MYOM1: variants seen among roughly 807,000 people sequenced by gnomAD.
The protein encoded by MYOM1 is myomesin 1.
In MYOM1, 164 loss-of-function variants were observed where a neutral mutation model predicts 205.3. That is an observed-to-expected ratio of 0.80 (90% CI 0.70 to 0.91). The LOEUF is 0.91. Ranked by LOEUF, MYOM1 falls within the 40% of genes least tolerant of loss-of-function variation. The pLI is 0.00. For synonymous variants in MYOM1, 772 were observed against 789.4 expected, an observed-to-expected ratio of 0.98 and a Z score of 0.37; for missense variants, 2,011 against 2,127.3, an observed-to-expected ratio of 0.95 and a Z score of 1.08.
chr18:3,075,855 G>C (rs781528838), intron 34 of MYOM1, 94 bp from the exon 35 acceptor site: 1 of 1,151,868 alleles, frequency 8.7e-7, no homozygotes, highest in African/African-American at 1.5e-5. Context: ...TGCTGTGATC[G>C]GTCCAGACAT....
intron 2 of MYOM1, among the ~76,000 whole-genome samples, chr18:3,198,037 G>A (rs1335593278): frequency 1.1e-4 from 16 of 151,716 alleles, no homozygotes; most frequent in Admixed American, 1.0e-3. Flanking sequence ...CTAAATTGAA[G>A]TTATGAAATC....
intron 2 of MYOM1, among the ~76,000 whole-genome samples, chr18:3,201,141 G>T (rs757058206): frequency 1.8e-4 from 27 of 152,188 alleles, no homozygotes; most frequent in Non-Finnish European, 3.2e-4. Context: ...GCTCATGCCT[G>T]TAATCCTAGC....
rs10708387 is a variant in MYOM1 at position 3,192,884 on chromosome 18, A to AT, written c.431+933dup. Among the ~76,000 whole-genome samples, 305 of 152,036 alleles carry AT rather than the reference A, an allele frequency of 2.0e-3. 2 individuals are homozygous for AT. The highest frequency in any genetic ancestry group is 6.8e-3 in the African/African-American group (284 of 41,460). On this transcript the variant is annotated intron_variant, in intron 3 of 37. Coordinates refer to ENST00000356443, the MANE Select transcript of MYOM1 (RefSeq NM_003803.4). ...AACAAGGCATTCAAATTATGATGAG[A>AT]TTTTTTCCCCCAATGAATAATAATT...
At chr18:3,116,689 G>C (rs2079611795) in intron 20 of MYOM1, among the ~76,000 whole-genome samples, 174 bp from the exon 21 acceptor site, 1 of 152,086 alleles carries the variant, frequency 6.6e-6, no homozygotes, top group African/African-American at 2.4e-5. Context: ...TTTTCGTACT[G>C]CTCTACATTA....
At chr18:3,132,602 C>T (rs552094620) in intron 16 of MYOM1, among the ~76,000 whole-genome samples, 1 of 152,196 alleles carries the variant, frequency 6.6e-6, no homozygotes, top group Admixed American at 6.5e-5. Flanking sequence ...TGATCAATGA[C>T]TATTTTAGGT....
chr18:3,126,673 G>A (rs759071991), intron 19 of MYOM1, 28 bp downstream of exon 19: 34 of 1,592,428 alleles, frequency 2.1e-5, no homozygotes, highest in Non-Finnish European at 2.8e-5. Flanking sequence ...CATAGGACAC[G>A]CCACACTACA....
chr18:3,150,627 G>A (rs997006890), intron 12 of MYOM1, among the ~76,000 whole-genome samples: 1 of 152,092 alleles, frequency 6.6e-6, no homozygotes, highest in Non-Finnish European at 1.5e-5. Context: ...GTAGGGCCAA[G>A]GTTGAGAAGC....
At chr18:3,195,032 C>A (rs969849024) in intron 2 of MYOM1, among the ~76,000 whole-genome samples, 1 of 152,168 alleles carries the variant, frequency 6.6e-6, no homozygotes, top group African/African-American at 2.4e-5. Context: ...GAAAAACCTT[C>A]CAAACCATCC....
chr18:3,133,350 A>G (rs536899562), intron 16 of MYOM1, among the ~76,000 whole-genome samples: 1 of 152,250 alleles, frequency 6.6e-6, no homozygotes, highest in South Asian at 2.1e-4. Context: ...AATTTCTGGG[A>G]GGGCAGCATC....
At chr18:3,227,333 G>A in the MYOM1 span, among the ~76,000 whole-genome samples, 205 of 152,216 alleles carry the variant, frequency 1.3e-3, 2 homozygotes, top group Non-Finnish European at 1.4e-3. Context: ...GATGAACCCT[G>A]AAGACATTAT....
At chr18:3,217,594 G>C (rs2081285132) in intron 1 of MYOM1, among the ~76,000 whole-genome samples, 2 of 152,184 alleles carry the variant, frequency 1.3e-5, no homozygotes, top group African/African-American at 2.4e-5. Flanking sequence ...GGAGTCAACA[G>C]CATATAGGTG....
chr18:3,144,009 A>G (rs2080088405), intron 13 of MYOM1, among the ~76,000 whole-genome samples: 1 of 151,954 alleles, frequency 6.6e-6, no homozygotes, highest in East Asian at 1.9e-4. Context: ...GATCAAGACC[A>G]TCCTGACTAA....
At chr18:3,207,693 C>T (rs60389783) in intron 2 of MYOM1, among the ~76,000 whole-genome samples, 1,748 of 152,344 alleles carry the variant, frequency 0.011, 32 homozygotes, top group African/African-American at 0.04. Context: ...CTGGCCAGTG[C>T]CGACACTATG....
Position 3,149,193 on chromosome 18 carries a change from A to C in MYOM1, c.1852T>G (p.Ser618Ala). 6.2e-7 allele frequency: 1 copy of C among 1,612,492 alleles called. No individual in the cohort carries two copies. Among genetic ancestry groups the C allele is most frequent in the Non-Finnish European group, 8.5e-7 (1 of 1,179,322 alleles). ...ATGATCTGTCCAGTCCAGGGTGCTG[A>C]GGGGCGACCTGAATAAAGACAAATA... ...AEKARLKSRPSAPWTGQIIVT... is the reference protein window; with the variant it reads ...AEKARLKSRPAAPWTGQIIVT... The change falls in exon 13 of 38, where the codon TCA becomes GCA. Residue 618 changes from serine to alanine, a missense_variant. Coordinates refer to ENST00000356443, the MANE Select transcript of MYOM1 (RefSeq NM_003803.4).
chr18:3,183,617 T>G (rs2080770927), intron 5 of MYOM1, among the ~76,000 whole-genome samples: 1 of 152,136 alleles, frequency 6.6e-6, no homozygotes, highest in Non-Finnish European at 1.5e-5. Flanking sequence ...GGAGGCAGTG[T>G]GATTATATGA....
intron 36 of MYOM1, among the ~76,000 whole-genome samples, chr18:3,072,532 TTAG>T (rs1449054624): frequency 6.6e-6 from 1 of 151,770 alleles, no homozygotes; most frequent in Non-Finnish European, 1.5e-5. Flanking sequence ...TTTTGTATTC[TTAG>T]TAGAGACAGG....
At chr18:3,145,342 G>C (rs572760272) in intron 13 of MYOM1, among the ~76,000 whole-genome samples, 1 of 150,618 alleles carries the variant, frequency 6.6e-6, no homozygotes, top group African/African-American at 2.4e-5. Context: ...CTTTTCAAGC[G>C]CACACTAAAT....
intron 16 of MYOM1, among the ~76,000 whole-genome samples, chr18:3,134,332 T>C (rs983268742): frequency 6.6e-6 from 1 of 152,064 alleles, no homozygotes; most frequent in African/African-American, 2.4e-5. Flanking sequence ...GGATCCTCCC[T>C]CCTCAGCCTC....
the MYOM1 span, among the ~76,000 whole-genome samples, chr18:3,238,143 G>T: frequency 9.5e-3 from 1,450 of 152,224 alleles, 16 homozygotes; most frequent in African/African-American, 0.033. Context: ...TCCTACAACT[G>T]GACGGTCCCA....
Sources: gnomAD v4.1 joint callset for allele counts (sites outside exome capture counted in the v4.1 genomes callset) on GRCh38, gnomAD v4.1.1 for gene constraint, MANE v1.5 for transcripts, NCBI Gene and HGNC (gene_info 2026-07-23, HGNC 2026-07-21) for gene names.